Variants in RASSF3 observed in about 807,000 individuals in gnomAD.
RASSF3 encodes the protein ras association domain-containing protein 3.
RASSF3 carries 19 observed loss-of-function variants against 19.9 expected under a neutral mutation model. The ratio of observed to expected loss-of-function variants is 0.96; its 90% CI spans 0.67 to 1.40. RASSF3 has a LOEUF of 1.40. RASSF3 is among the 40% of genes most tolerant of loss of function. The probability of loss-of-function intolerance (pLI) is 0.00; values close to 1 mark genes in which losing one functional copy is unlikely to be tolerated. For missense variants in RASSF3, 306 were observed against 289.8 expected (o/e 1.06, Z -0.41); for synonymous variants, 110 against 104.2 (o/e 1.06, Z -0.34).
chr12:64,628,746 C>T (rs1295969511), intron 1 of RASSF3, among the ~76,000 whole-genome samples: 2 of 152,138 alleles, frequency 1.3e-5, no homozygotes, highest in African/African-American at 4.8e-5. Context: ...ATCTGCCTGC[C>T]TTGGCCTCCC....
intron 1 of RASSF3, among the ~76,000 whole-genome samples, chr12:64,624,267 AGGTGAG>A (rs1870905706): frequency 6.6e-6 from 1 of 151,872 alleles, no homozygotes; most frequent in Non-Finnish European, 1.5e-5. Flanking sequence ...TGCTTGTTTG[AGGTGAG>A]GGCTTAAAAC....
At chr12:64,669,548 T>C (rs1206796853) in intron 1 of RASSF3, among the ~76,000 whole-genome samples, 2 of 152,200 alleles carry the variant, frequency 1.3e-5, no homozygotes, top group Admixed American at 6.5e-5. Context: ...AGACTTGTAA[T>C]GCTAAGGCGT....
At chr12:64,555,768 A>G (rs1869246821) in intron 2 of RASSF3, among the ~76,000 whole-genome samples, 1 of 149,422 alleles carries the variant, frequency 6.7e-6, no homozygotes, top group South Asian at 2.1e-4. Flanking sequence ...AAAAGCCTCT[A>G]CCTTGGCCAG....
At chr12:64,668,680 A>ATTTT (rs34052700) in intron 1 of RASSF3, among the ~76,000 whole-genome samples, 2 of 124,208 alleles carry the variant, frequency 1.6e-5, no homozygotes, top group Non-Finnish European at 1.6e-5. Context: ...TTTAATTTTG[A>ATTTT]TTTTTTTTTT....
downstream of RASSF3, among the ~76,000 whole-genome samples, chr12:64,544,703 A>AG: frequency 6.6e-6 from 1 of 152,276 alleles, no homozygotes; most frequent in Admixed American, 6.5e-5. Flanking sequence ...GGGAGCTCAC[A>AG]GGCATGTCTG....
chr12:64,674,305 A>C (rs1177434401), intron 1 of RASSF3, among the ~76,000 whole-genome samples: 3 of 152,218 alleles, frequency 2.0e-5, no homozygotes, highest in Non-Finnish European at 4.4e-5. Flanking sequence ...GTGGATTGCA[A>C]ATGCAGTCTT....
intron 2 of RASSF3, among the ~76,000 whole-genome samples, chr12:64,602,403 A>T (rs1262230998): frequency 6.6e-6 from 1 of 151,268 alleles, no homozygotes; most frequent in Admixed American, 6.6e-5. Flanking sequence ...ACATGGTGAA[A>T]CCCCATCTCT....
rs111377922 is a variant in RASSF3, at chr12:64,651,143, A to G, written c.112-33644A>G. Among the ~76,000 whole-genome samples, 1,067 of 152,290 alleles carry G rather than the reference A, an allele frequency of 7.0e-3. 9 individuals are homozygous for G. The highest frequency in any genetic ancestry group is 0.011 in the Non-Finnish European group (761 of 68,020). ...TTACTGCATTTCAGACACATCTAGTAATAGAAAAATCAGTGTCTTAATGGG... is the reference window on the plus strand; with the variant it reads ...TTACTGCATTTCAGACACATCTAGTGATAGAAAAATCAGTGTCTTAATGGG... On this transcript the variant is annotated intron_variant, in intron 1 of 4. Transcript: ENST00000542104.
At chr12:64,658,302 A>G (rs1399872523) in intron 1 of RASSF3, among the ~76,000 whole-genome samples, 1 of 152,136 alleles carries the variant, frequency 6.6e-6, no homozygotes, top group Non-Finnish European at 1.5e-5. Context: ...CCTGGTGCCA[A>G]AGGAACTGTG....
intron 1 of RASSF3, among the ~76,000 whole-genome samples, chr12:64,647,625 C>T (rs764540205): frequency 6.6e-6 from 1 of 152,008 alleles, no homozygotes; most frequent in Non-Finnish European, 1.5e-5. Context: ...GTTGGCCAGG[C>T]TGGTCTCGAA....
chr12:64,682,566 CAA>C (rs549058845), intron 1 of RASSF3, among the ~76,000 whole-genome samples: 20 of 81,280 alleles, frequency 2.5e-4, no homozygotes, highest in Non-Finnish European at 2.9e-4. Flanking sequence ...GACTCCGTCT[CAA>C]AAAAAAAAAA....
At chr12:64,688,864 T>C (rs1690260) in intron 3 of RASSF3, among the ~76,000 whole-genome samples, 56,945 of 151,992 alleles carry the variant, frequency 0.37, 11,592 homozygotes, top group Middle Eastern at 0.5. Flanking sequence ...GTTTGGTGGA[T>C]GTGTGCTGAG....
chr12:64,630,027 G>T (rs1185421122), intron 1 of RASSF3: 1 of 149,044 alleles, frequency 6.7e-6, no homozygotes, highest in Admixed American at 6.7e-5. Context: ...TGAACTAAAA[G>T]GTTGTTTGCA....
rs34463362 is a variant in RASSF3, at chr12:64,594,011, CAAAA to C, written c.294+52327_294+52330del. 9.7e-3 allele frequency among the ~76,000 whole-genome samples: 446 copies of C among 45,970 alleles called. 2 individuals carry two copies. Among genetic ancestry groups the C allele is most frequent in the African/African-American group, 0.037 (429 of 11,518 alleles). 30.2% of individuals were successfully genotyped at this position (45,970 alleles called of 152,430 possible). ...TGGGCGACAGGGTGAGACTCTGTCTCAAAAAAAAAAAAAAAAAAAAAAAAGCAGG... is the reference window on the plus strand; with the variant it reads ...TGGGCGACAGGGTGAGACTCTGTCTCAAAAAAAAAAAAAAAAAAAAGCAGG... On this transcript the variant is annotated intron_variant, in intron 2 of 5. Coordinates refer to the RASSF3 transcript ENST00000637125.
intron 2 of RASSF3, among the ~76,000 whole-genome samples, chr12:64,590,935 T>C (rs1869910061): frequency 6.6e-6 from 1 of 152,230 alleles, no homozygotes; most frequent in African/African-American, 2.4e-5. Flanking sequence ...ACTATTATTA[T>C]TGTACTCCGG....
At chr12:64,540,360 ATACT>A (rs1267776693) in intron 1 of RASSF3, among the ~76,000 whole-genome samples, 1 of 152,232 alleles carries the variant, frequency 6.6e-6, no homozygotes, top group Non-Finnish European at 1.5e-5. Context: ...TGTTTTAAAA[ATACT>A]TACTTTGGAA....
chr12:64,683,378 T>C (rs1873208826), intron 1 of RASSF3, among the ~76,000 whole-genome samples: 1 of 152,230 alleles, frequency 6.6e-6, no homozygotes, highest in Non-Finnish European at 1.5e-5. Flanking sequence ...CATAATGTCA[T>C]GCACTGGTGG....
intron 2 of RASSF3, among the ~76,000 whole-genome samples, chr12:64,596,440 T>C (rs576511364): frequency 6.6e-6 from 1 of 152,334 alleles, no homozygotes; most frequent in African/African-American, 2.4e-5. Context: ...TTTATTTGGC[T>C]CACAGTTCTG....
chr12:64,608,342 C>T (rs1311389946), upstream of RASSF3, among the ~76,000 whole-genome samples: 2 of 151,554 alleles, frequency 1.3e-5, no homozygotes, highest in African/African-American at 2.4e-5. Flanking sequence ...TTTATTGAGA[C>T]GAAGTTTTGC....
Sources: allele counts gnomAD v4.1 joint callset (sites outside exome capture counted in the v4.1 genomes callset), GRCh38; gene constraint gnomAD v4.1.1; transcripts MANE v1.5; gene names NCBI Gene and HGNC (gene_info 2026-07-23, HGNC 2026-07-21).